Variants in TSNARE1 observed in about 807,000 individuals in gnomAD.
The protein encoded by TSNARE1 is t-SNARE domain-containing protein 1.
In TSNARE1, 49 loss-of-function variants were observed where a neutral mutation model predicts 62.0. That is an observed-to-expected ratio of 0.79 (90% CI 0.63 to 1.00). The LOEUF (loss-of-function observed/expected upper bound fraction) is 1.00, where lower values mean the gene tolerates loss of function less well. Among genes scored for constraint, TSNARE1 ranks in the 50% least tolerant of loss-of-function variants. The probability of loss-of-function intolerance (pLI) is 0.00; values close to 1 mark genes in which losing one functional copy is unlikely to be tolerated. For synonymous variants in TSNARE1, 328 were observed against 294.4 expected (o/e 1.11, Z -1.17); for missense variants, 755 against 700.1 (o/e 1.08, Z -0.88).
rs879689618 is a variant in TSNARE1 at position 142,293,302 on chromosome 8, C to T, written c.1290+7184G>A. Among the ~76,000 whole-genome samples the T allele has an allele frequency of 3.0e-4, 45 of 152,314 alleles. 1 individual carries two copies. Among genetic ancestry groups the T allele is most frequent in the Admixed American group, 2.8e-3 (43 of 15,294 alleles). ...TGGCCGCATTCCCGAGGCAGAGGGC[C>T]GGGACGCTTGAAGGAGGGAGGGGCA... On this transcript the variant is annotated intron_variant, in intron 10 of 13. Coordinates refer to ENST00000524325, the MANE Select transcript of TSNARE1 (RefSeq NM_145003.5).
chr8:142,305,271 CG>C (rs879866776), intron 9 of TSNARE1, among the ~76,000 whole-genome samples: 4 of 141,364 alleles, frequency 2.8e-5, no homozygotes, highest in Non-Finnish European at 6.1e-5. Flanking sequence ...AGACCTGCCT[CG>C]GATCTGTGCC....
rs900923792 is a variant in TSNARE1, at chr8:142,212,185, C to G, written c.*140G>C. On this transcript the variant is annotated 3_prime_UTR_variant, in exon 14 of 14. Coordinates refer to ENST00000524325, the MANE Select transcript of TSNARE1 (RefSeq NM_145003.5). ...CAGGCAGCTGTGAAGCTCTCGGGTC[C>G]ATTGCAGGCCAAGTGACGGCATCAG... 2 of 152,536 alleles carry G rather than the reference C, an allele frequency of 1.3e-5. No homozygotes were observed. The highest frequency in any genetic ancestry group is 4.8e-5 in the African/African-American group (2 of 41,474). The allele number at this position is 152,536 out of a possible 1,614,324, so 9.4% of individuals were successfully genotyped here.
chr8:142,282,455 GAGCAAAGGGGA>G lies in TSNARE1; in HGVS notation c.1363+1947_1363+1957del, dbSNP rs1371307206. Among the ~76,000 whole-genome samples the G allele has an allele frequency of 2.0e-4, 31 of 151,832 alleles. 1 individual carries two copies. Among genetic ancestry groups the G allele is most frequent in the Admixed American group, 2.6e-4 (4 of 15,244 alleles). Reference sequence around the variant, plus strand: ...GGAGCAGGGGCCAGTGTCTATCAATGAGCAAAGGGGAGGCCACTGTCTGTCAAAGAGCAAAG... The same window carrying G: ...GGAGCAGGGGCCAGTGTCTATCAATGGGCCACTGTCTGTCAAAGAGCAAAG... On this transcript the variant is annotated intron_variant, in intron 11 of 13. Coordinates refer to ENST00000524325, the MANE Select transcript of TSNARE1 (RefSeq NM_145003.5).
chr8:142,397,175 G>A (rs1302592674), intron 1 of TSNARE1, among the ~76,000 whole-genome samples: 1 of 149,342 alleles, frequency 6.7e-6, no homozygotes, highest in East Asian at 2.0e-4. Flanking sequence ...CAGGAGAGAG[G>A]CAGCTCCGCC....
intron 1 of TSNARE1, among the ~76,000 whole-genome samples, chr8:142,390,272 G>GT: frequency 6.9e-6 from 1 of 145,490 alleles, no homozygotes; most frequent in Admixed American, 6.8e-5. Context: ...TGGGGACTCC[G>GT]TAACAGACGC....
chr8:142,315,964 G>A (rs908380040), intron 7 of TSNARE1, among the ~76,000 whole-genome samples: 3 of 152,212 alleles, frequency 2.0e-5, no homozygotes, highest in African/African-American at 7.2e-5. Flanking sequence ...ACCAAGCCGC[G>A]TGAAGGAGCC....
At chr8:142,349,484 T>C (rs1469149575) in intron 2 of TSNARE1, among the ~76,000 whole-genome samples, 5 of 151,828 alleles carry the variant, frequency 3.3e-5, no homozygotes, top group African/African-American at 1.2e-4. Context: ...AGCATCAACT[T>C]AAAGAAAGGA....
intron 10 of TSNARE1, among the ~76,000 whole-genome samples, chr8:142,289,767 A>G (rs1463372656): frequency 6.6e-6 from 1 of 152,198 alleles, no homozygotes; most frequent in African/African-American, 2.4e-5. Flanking sequence ...GCCGGGACTT[A>G]CTGGGGATTC....
intron 12 of TSNARE1, among the ~76,000 whole-genome samples, chr8:142,264,569 T>A (rs971282583): frequency 2.0e-5 from 3 of 152,256 alleles, no homozygotes; most frequent in African/African-American, 7.2e-5. Flanking sequence ...TTCTACCCAC[T>A]TTTGCTTTAT....
At chr8:142,366,627 C>CT (rs1436128963) in intron 1 of TSNARE1, among the ~76,000 whole-genome samples, 6 of 152,222 alleles carry the variant, frequency 3.9e-5, no homozygotes, top group African/African-American at 1.2e-4. Flanking sequence ...AAGAAGCTGT[C>CT]TTATAATGAT....
At chr8:142,235,903 T>C (rs1817388549) in intron 12 of TSNARE1, among the ~76,000 whole-genome samples, 1 of 151,912 alleles carries the variant, frequency 6.6e-6, no homozygotes, top group African/African-American at 2.4e-5. Context: ...TTGAGGAGCA[T>C]GGCGGGGCAG....
chr8:142,230,199 G>A (rs902926018), intron 12 of TSNARE1, among the ~76,000 whole-genome samples: 2 of 152,234 alleles, frequency 1.3e-5, no homozygotes, highest in African/African-American at 2.4e-5. Context: ...ACCTCATTCA[G>A]GTCCTGAATG....
chr8:142,393,026 G>A (rs1403384659), intron 1 of TSNARE1, among the ~76,000 whole-genome samples: 1 of 151,738 alleles, frequency 6.6e-6, no homozygotes, highest in African/African-American at 2.4e-5. Context: ...CAGGGATAGG[G>A]ATACTTTCTA....
At chr8:142,353,599 T>C (rs1307629847) in intron 2 of TSNARE1, among the ~76,000 whole-genome samples, 1 of 152,200 alleles carries the variant, frequency 6.6e-6, no homozygotes, top group Non-Finnish European at 1.5e-5. Flanking sequence ...CTCGAGCACA[T>C]GCTGCTCCCT....
intron 10 of TSNARE1, among the ~76,000 whole-genome samples, chr8:142,286,394 A>G (rs1021585712): frequency 6.6e-6 from 1 of 152,248 alleles, no homozygotes; most frequent in Non-Finnish European, 1.5e-5. Flanking sequence ...AAATGAAGCA[A>G]TTAGCATGAT....
chr8:142,341,134 G>C (rs1446563255), intron 4 of TSNARE1, among the ~76,000 whole-genome samples: 2 of 152,156 alleles, frequency 1.3e-5, no homozygotes, highest in Non-Finnish European at 2.9e-5. Flanking sequence ...CCTCCCATCT[G>C]TCCACAAGTG....
chr8:142,349,430 G>A (rs561036620), intron 2 of TSNARE1, among the ~76,000 whole-genome samples: 9 of 152,184 alleles, frequency 5.9e-5, no homozygotes, highest in African/African-American at 2.2e-4. Flanking sequence ...CATATTCATG[G>A]TGAATGTGGT....
chr8:142,213,660 C>G (rs1300978635), intron 13 of TSNARE1, among the ~76,000 whole-genome samples: 1 of 152,156 alleles, frequency 6.6e-6, no homozygotes, highest in Non-Finnish European at 1.5e-5. Flanking sequence ...GGAGGGGGCC[C>G]CTCAGGACTT....
intron 10 of TSNARE1, 121 bp from the exon 11 acceptor site, chr8:142,284,606 G>A (rs1471877427): frequency 1.3e-6 from 1 of 763,670 alleles, no homozygotes; most frequent in Non-Finnish European, 2.3e-6. Context: ...TCAGGAACCA[G>A]AGAACAGCTG....
Sources: allele counts gnomAD v4.1 joint callset (sites outside exome capture counted in the v4.1 genomes callset), GRCh38; gene constraint gnomAD v4.1.1; transcripts MANE v1.5; gene names NCBI Gene and HGNC (gene_info 2026-07-23, HGNC 2026-07-21).